The following GABRB1 variants were observed in gnomAD, a reference collection of about 807,000 sequenced individuals.
GABRB1 encodes the protein gamma-aminobutyric acid receptor subunit beta-1.
In GABRB1, 17 loss-of-function variants were observed where a neutral mutation model predicts 51.6. The observed-to-expected ratio is 0.33, with a 90% CI of 0.23 to 0.49. The LOEUF (loss-of-function observed/expected upper bound fraction) is 0.49. GABRB1 is among the 20% of genes least tolerant of loss of function. GABRB1 has a pLI of 0.99. For missense variants in GABRB1, 410 were observed against 600.6 expected, an observed-to-expected ratio of 0.68 and a Z score of 3.32; for synonymous variants, 247 against 218.9, an observed-to-expected ratio of 1.13 and a Z score of -1.14.
intron 3 of GABRB1, among the ~76,000 whole-genome samples, chr4:47,064,978 C>T (rs999677433): frequency 2.0e-5 from 3 of 152,124 alleles, no homozygotes; most frequent in African/African-American, 7.2e-5. Flanking sequence ...CAGTTTTGGC[C>T]TCTCTAGAAG....
At chr4:47,390,989 A>C (rs1381189514) in intron 5 of GABRB1, among the ~76,000 whole-genome samples, 1 of 152,122 alleles carries the variant, frequency 6.6e-6, no homozygotes, top group African/African-American at 2.4e-5. Flanking sequence ...CAGCCTGGCC[A>C]ACATGGTGAA....
At chr4:47,046,219 C>T (rs1033385012) in intron 3 of GABRB1, among the ~76,000 whole-genome samples, 1 of 151,986 alleles carries the variant, frequency 6.6e-6, no homozygotes, top group Non-Finnish European at 1.5e-5. Context: ...TATAAATTAC[C>T]CAATGTCAGA....
chr4:47,354,448 ACT>A (rs1315651067), intron 5 of GABRB1, among the ~76,000 whole-genome samples: 2 of 151,652 alleles, frequency 1.3e-5, no homozygotes, highest in African/African-American at 4.8e-5. Flanking sequence ...TTAAACACAC[ACT>A]CTGTCAAATT....
chr4:47,414,190 A>T (rs1728843790), intron 8 of GABRB1, among the ~76,000 whole-genome samples: 1 of 152,224 alleles, frequency 6.6e-6, no homozygotes, highest in African/African-American at 2.4e-5. Flanking sequence ...AATCTGAGAC[A>T]TGTCTTAGTT....
chr4:47,143,863 G>C (rs1717039275), intron 3 of GABRB1, among the ~76,000 whole-genome samples: 1 of 151,788 alleles, frequency 6.6e-6, no homozygotes, highest in Non-Finnish European at 1.5e-5. Context: ...CCTGGAACTA[G>C]CTATTGTCTT....
chr4:47,404,489 GCACACACACACACACACACACACA>G (rs56335154), intron 7 of GABRB1, among the ~76,000 whole-genome samples: 1 of 145,550 alleles, frequency 6.9e-6, no homozygotes, highest in Non-Finnish European at 1.5e-5. Flanking sequence ...ACACACGCAT[GCACACACACACACACACACACACA>G]CACACACACA....
chr4:47,343,926 C>A lies in GABRB1; in HGVS notation c.544+23717C>A, dbSNP rs563244735. 1.3e-4 allele frequency among the ~76,000 whole-genome samples: 20 copies of A among 152,250 alleles called. No individual in the cohort carries two copies. In the East Asian group the frequency reaches 2.1e-3, roughly 16 times the overall value. ...TTACACATCTAGTTAATGTCAAAGACCTTGAACTCATGCCTTTCTGACTTA... is the reference window on the plus strand; with the variant it reads ...TTACACATCTAGTTAATGTCAAAGAACTTGAACTCATGCCTTTCTGACTTA... On this transcript the variant is annotated intron_variant, in intron 5 of 8. Coordinates refer to ENST00000295454, the MANE Select transcript of GABRB1 (RefSeq NM_000812.4).
intron 4 of GABRB1, among the ~76,000 whole-genome samples, chr4:47,240,551 C>T (rs1034192567): frequency 9.9e-5 from 15 of 152,274 alleles, no homozygotes; most frequent in Middle Eastern, 3.4e-3. Flanking sequence ...GGTGATGGTA[C>T]ATAATTACCC....
At position 47,419,733 on chromosome 4, in the gene GABRB1, G is replaced by A. The variant is rs939870800; in HGVS notation, c.1081-5941G>A. Among the ~76,000 whole-genome samples, 6 of 152,282 alleles carry A rather than the reference G, an allele frequency of 3.9e-5. 1 individual carries two copies. The South Asian group carries it at 1.2e-3, about 32-fold the overall frequency. On this transcript the variant is annotated intron_variant, in intron 8 of 8. Coordinates refer to ENST00000295454, the MANE Select transcript of GABRB1 (RefSeq NM_000812.4). The stretch of plus-strand genomic sequence containing the variant: ...CACTCAGTAAACATTGAATAAATGA[G>A]TGAGTGAATGCATGAACTACTATTA...
In GABRB1 at chr4:47,305,727, A is replaced by G. The variant is rs75583003; in HGVS notation, c.462-14400A>G. The stretch of plus-strand genomic sequence containing the variant: ...TTCTTCATTGAAGGAACTCATTTTG[A>G]AAGATCATAATTATCACCCAGTATT... On this transcript the variant is annotated intron_variant, in intron 4 of 8. Coordinates refer to ENST00000295454, the MANE Select transcript of GABRB1 (RefSeq NM_000812.4). Among the ~76,000 whole-genome samples, 12 of 152,282 alleles carry G rather than the reference A, an allele frequency of 7.9e-5. No individual in the cohort carries two copies. The East Asian group carries it at 2.3e-3, about 29-fold the overall frequency.
chr4:47,381,658 T>C lies in GABRB1; in HGVS notation c.545-21660T>C, dbSNP rs1048568161. ...AGAACTTGGAAGAGGCTGTCTAACC[T>C]CATATTCCTACCCTAGAACCCAGCT... On this transcript the variant is annotated intron_variant, in intron 5 of 8. Coordinates refer to ENST00000295454, the MANE Select transcript of GABRB1 (RefSeq NM_000812.4). Among the ~76,000 whole-genome samples the C allele has an allele frequency of 4.6e-5, 7 of 152,162 alleles. 1 individual carries two copies. The highest frequency in any genetic ancestry group is 1.2e-4 in the African/African-American group (5 of 41,428).
chr4:47,260,916 A>G (rs1722407588), intron 4 of GABRB1, among the ~76,000 whole-genome samples: 1 of 152,180 alleles, frequency 6.6e-6, no homozygotes, highest in Non-Finnish European at 1.5e-5. Flanking sequence ...AATAAATGTA[A>G]TCCAGCATAT....
intron 1 of GABRB1, among the ~76,000 whole-genome samples, chr4:47,008,797 T>G (rs1374388884): frequency 6.7e-6 from 1 of 148,282 alleles, no homozygotes; most frequent in East Asian, 2.0e-4. Context: ...AACTGGACTT[T>G]TAAAAATACC....
At chr4:47,422,114 T>G (rs1025828624) in intron 8 of GABRB1, among the ~76,000 whole-genome samples, 1 of 151,540 alleles carries the variant, frequency 6.6e-6, no homozygotes, top group Non-Finnish European at 1.5e-5. Context: ...TCACCTGATC[T>G]CAAATCCCCA....
chr4:47,358,201 T>G (rs190170317), intron 5 of GABRB1, among the ~76,000 whole-genome samples: 21 of 152,232 alleles, frequency 1.4e-4, no homozygotes, highest in Middle Eastern at 3.4e-3. Context: ...ATTGGTAGCT[T>G]GCATTCACGT....
intron 5 of GABRB1, among the ~76,000 whole-genome samples, chr4:47,352,986 C>T (rs1229881491): frequency 6.6e-6 from 1 of 152,302 alleles, no homozygotes; most frequent in South Asian, 2.1e-4. Context: ...ATTGAACTTA[C>T]AGTTCCACAT....
intron 4 of GABRB1, among the ~76,000 whole-genome samples, chr4:47,246,904 T>C (rs1708956534): frequency 1.3e-5 from 2 of 152,238 alleles, no homozygotes; most frequent in South Asian, 4.1e-4. Context: ...TTTGAGTTTG[T>C]TGTAGATTCT....
At chr4:47,397,310 C>T (rs935492022) in intron 5 of GABRB1, among the ~76,000 whole-genome samples, 11 of 152,290 alleles carry the variant, frequency 7.2e-5, no homozygotes, top group South Asian at 6.2e-4. Context: ...TAGTTTATGA[C>T]ATGAAATAGG....
rs138060920 is a variant in GABRB1 at position 47,036,818 on chromosome 4, G to A, written c.240+4334G>A. On this transcript the variant is annotated intron_variant, in intron 3 of 8. Coordinates refer to ENST00000295454, the MANE Select transcript of GABRB1 (RefSeq NM_000812.4). ...CTGGAGGTTGCGGTGAGCCAAGATC[G>A]TGCCACTGTGCTCCAGCCTATGTGA... 3.2e-4 allele frequency among the ~76,000 whole-genome samples: 49 copies of A among 151,652 alleles called. 1 individual carries two copies. Among genetic ancestry groups the A allele is most frequent in the African/African-American group, 9.9e-4 (41 of 41,232 alleles).
Sources: allele counts gnomAD v4.1 joint callset (sites outside exome capture counted in the v4.1 genomes callset), GRCh38; gene constraint gnomAD v4.1.1; transcripts MANE v1.5; gene names NCBI Gene and HGNC (gene_info 2026-07-23, HGNC 2026-07-21).